Variants in INTS2 observed in about 807,000 individuals in gnomAD.
The protein encoded by INTS2 is KIAA1287.
INTS2 carries 57 observed loss-of-function variants against 139.6 expected under a neutral mutation model. The ratio of observed to expected loss-of-function variants is 0.41; its 90% CI spans 0.33 to 0.51. The LOEUF (loss-of-function observed/expected upper bound fraction) is 0.51. INTS2 is among the 20% of genes least tolerant of loss of function. The pLI, the probability that INTS2 is intolerant of heterozygous loss-of-function variation, is 0.28. For missense variants in INTS2, 1,196 were observed against 1,436.7 expected (o/e 0.83, Z 2.71); for synonymous variants, 473 against 493.4 (o/e 0.96, Z 0.55).
At chr17:61,913,830 T>C (rs1408072969) in intron 5 of INTS2, among the ~76,000 whole-genome samples, 1 of 152,142 alleles carries the variant, frequency 6.6e-6, no homozygotes, top group East Asian at 1.9e-4. Context: ...ATGGTAAATG[T>C]GTGGATAAAT....
rs777541709 is a variant in INTS2 at position 61,921,839 on chromosome 17, A to T, written c.433-12T>A. 3 of 1,339,088 alleles carry T rather than the reference A, an allele frequency of 2.2e-6. No homozygotes were observed. In the South Asian group the frequency reaches 3.9e-5, roughly 17 times the overall value. 83.0% of individuals were successfully genotyped at this position (1,339,088 alleles called of 1,614,324 possible). ...TTGGACTCAGACACCTTAAAAAAGA[A>T]AAAAAAAAGATATAAACTCTATTAA... On this transcript the variant is annotated splice_polypyrimidine_tract_variant and intron_variant, in intron 3 of 24. Transcript: ENST00000251334.
chr17:61,915,537 G>A (rs1371417782), intron 5 of INTS2, among the ~76,000 whole-genome samples: 1 of 141,244 alleles, frequency 7.1e-6, no homozygotes, highest in East Asian at 2.2e-4. Context: ...AAAAAAAAAA[G>A]TCCGGGCGCG....
intron 9 of INTS2, among the ~76,000 whole-genome samples, chr17:61,901,754 C>T (rs746591108): frequency 4.6e-5 from 7 of 151,684 alleles, no homozygotes; most frequent in Non-Finnish European, 7.4e-5. Context: ...CCATGACCGG[C>T]TAATATTTTT....
At chr17:61,927,429 GCGTGGGTAAAAGT>G (rs1018498644) in intron 1 of INTS2, 2 of 163,508 alleles carry the variant, frequency 1.2e-5, no homozygotes, top group African/African-American at 2.4e-5. Flanking sequence ...ACTAGCAGCA[GCGTGGGTAAAAGT>G]CGTGGGTAAA....
In INTS2 at chr17:61,877,867, T is replaced by C. The variant is rs1372122580; in HGVS notation, c.2456+20A>G. 8 of 1,571,540 alleles carry C rather than the reference T, an allele frequency of 5.1e-6. No homozygotes were observed. The highest frequency in any genetic ancestry group is 6.1e-6 in the Non-Finnish European group (7 of 1,141,572). Reference sequence around the variant, plus strand: ...CTGCTATATAATTATCTATTACATGTAACAATACACTGAATTTACCTTCTA... The same window carrying C: ...CTGCTATATAATTATCTATTACATGCAACAATACACTGAATTTACCTTCTA... On this transcript the variant is annotated intron_variant, in intron 18 of 24. Transcript: ENST00000251334.
At chr17:61,874,153 G>C (rs1331662488) in intron 19 of INTS2, 1 of 152,120 alleles carries the variant, frequency 6.6e-6, no homozygotes, top group Non-Finnish European at 1.5e-5. Flanking sequence ...TGATCAATCA[G>C]TTGTAAATAC....
intron 8 of INTS2, among the ~76,000 whole-genome samples, chr17:61,904,810 G>GT (rs1352602134): frequency 1.3e-5 from 2 of 152,132 alleles, no homozygotes; most frequent in African/African-American, 4.8e-5. Flanking sequence ...GCCCTGTAGT[G>GT]TGAGACCATA....
rs28813378 is a variant in INTS2 at position 61,909,823 on chromosome 17, A to G, written c.954+1697T>C. On this transcript the variant is annotated intron_variant, in intron 7 of 24. Coordinates refer to ENST00000251334, the MANE Select transcript of INTS2 (RefSeq NM_001351695.2). This position sits in a 1 kb window ranked among gnomAD's most constrained non-coding sequence, Gnocchi z 4.9. ...TATACGTGTGTGTGTACATGTGTGT[A>G]TGTGTGTGTGTGTGTGTGTGTGTGT... Among the ~76,000 whole-genome samples the G allele has an allele frequency of 0.036, 4,946 of 138,884 alleles. 569 individuals carry two copies. The East Asian group carries it at 0.45, about 13-fold the overall frequency. The allele number at this position is 138,884 out of a possible 152,430, so 91.1% of individuals were successfully genotyped here.
chr17:61,867,480 G>T lies in INTS2; in HGVS notation c.*77C>A. 1 of 824,014 alleles carries T rather than the reference G, an allele frequency of 1.2e-6. No homozygotes were observed. Among genetic ancestry groups the T allele is most frequent in the Non-Finnish European group, 1.9e-6 (1 of 520,112 alleles). 51.0% of individuals were successfully genotyped at this position (824,014 alleles called of 1,614,324 possible). On this transcript the variant is annotated 3_prime_UTR_variant, in exon 25 of 25. Transcript: ENST00000251334. The surrounding 1 kb of genome is among the most constrained non-coding windows in gnomAD (Gnocchi z 5.6). Reference sequence around the variant, plus strand: ...GACAATACTTTACTGTTCCCATTCAGTTTAGAGTTGTTACTAATATGCAGA... The same window carrying T: ...GACAATACTTTACTGTTCCCATTCATTTTAGAGTTGTTACTAATATGCAGA...
Position 61,869,356 on chromosome 17 carries a change from G to A in INTS2, c.3055C>T (p.Leu1019=). 1 of 1,604,788 alleles carries A rather than the reference G, an allele frequency of 6.2e-7. No individual in the cohort carries two copies. The highest frequency in any genetic ancestry group is 8.5e-7 in the Non-Finnish European group (1 of 1,175,074). The change falls in exon 22 of 25, where the codon CTG becomes TTG. Residue 1019 remains leucine (L), a synonymous_variant. Transcript: ENST00000251334. This position sits in a 1 kb window ranked among gnomAD's most constrained non-coding sequence, Gnocchi z 5.4. The part of the protein sequence containing the change: ...FQGYPCELLP[L]TVAGIPSMHI... The stretch of plus-strand genomic sequence containing the variant: ...ATAGATGGAATACCTGCGACCGTCA[G>A]AGGCAAAAGTTCACATGGATAACCC...
chr17:61,915,700 G>A lies in INTS2; in HGVS notation c.650-3630C>T, dbSNP rs75626890. Among the ~76,000 whole-genome samples the A allele has an allele frequency of 1.9e-4, 28 of 147,162 alleles. No individual in the cohort carries two copies. The East Asian group carries it at 4.9e-3, about 26-fold the overall frequency. On this transcript the variant is annotated intron_variant, in intron 5 of 24. Coordinates refer to ENST00000251334, the MANE Select transcript of INTS2 (RefSeq NM_001351695.2). ...CAAAAAATTAGCCGGGCGTGGTGGC[G>A]GGTGCCTGTAGTCCCAGCTACTCGG...
At chr17:61,919,713 G>A (rs1282919260) in intron 4 of INTS2, among the ~76,000 whole-genome samples, 200 bp from the exon 5 acceptor site, 2 of 151,988 alleles carry the variant, frequency 1.3e-5, no homozygotes, top group Non-Finnish European at 2.9e-5. Context: ...CCTGGACCCA[G>A]TGTTAAAGAG....
chr17:61,886,710 TC>T (rs2079232376), intron 15 of INTS2, among the ~76,000 whole-genome samples: 1 of 152,228 alleles, frequency 6.6e-6, no homozygotes, highest in South Asian at 2.1e-4. Flanking sequence ...CAAGGTACTT[TC>T]CTTTACACCA....
At position 61,875,306 on chromosome 17, in the gene INTS2, T is replaced by C. The variant is rs2079118453; in HGVS notation, c.2457-268A>G. ...ATGGCATATAAAATTAAAACCTGAG[T>C]TAAAACCTTAGTTATACCATACTTG... On this transcript the variant is annotated intron_variant, in intron 18 of 24. Coordinates refer to ENST00000251334, the MANE Select transcript of INTS2 (RefSeq NM_001351695.2). The surrounding 1 kb of genome is among the most constrained non-coding windows in gnomAD (Gnocchi z 4.6). 6.6e-6 allele frequency among the ~76,000 whole-genome samples: 1 copy of C among 152,184 alleles called. No homozygotes were observed. Among genetic ancestry groups the C allele is most frequent in the Non-Finnish European group, 1.5e-5 (1 of 68,028 alleles).
chr17:61,884,873 T>C, intron 16 of INTS2, 28 bp downstream of exon 16: 1 of 1,331,018 alleles, frequency 7.5e-7, no homozygotes. Flanking sequence ...CAATAAACTT[T>C]AGCAGTAAAA....
intron 5 of INTS2, among the ~76,000 whole-genome samples, chr17:61,918,430 C>T (rs552885084): frequency 5.9e-5 from 9 of 152,106 alleles, no homozygotes; most frequent in Admixed American, 2.6e-4. Flanking sequence ...TTAGTAGAGA[C>T]GGGGTTTCAC....
At position 61,897,603 on chromosome 17, in the gene INTS2, A is replaced by T. The variant is rs974118734; in HGVS notation, c.1380-20T>A. On this transcript the variant is annotated intron_variant, in intron 10 of 24. Transcript: ENST00000251334. This position sits in a 1 kb window ranked among gnomAD's most constrained non-coding sequence, Gnocchi z 4.4. The stretch of plus-strand genomic sequence containing the variant: ...GAAGTACTGTCAAAACAAAATAGGA[A>T]ATATGAATTTTCCAAAGAGAGAAGA... 95 of 1,586,578 alleles carry T rather than the reference A, an allele frequency of 6.0e-5. No individual in the cohort carries two copies. Among genetic ancestry groups the T allele is most frequent in the Non-Finnish European group, 7.6e-5 (88 of 1,163,538 alleles).
Position 61,866,900 on chromosome 17 carries a change from T to C in INTS2, c.*657A>G, listed in dbSNP as rs2079050402. ...ATCTCTTTAAACATATGGCTTCATA[T>C]ATTAATAAAAATTGAAGCAAATATG... On this transcript the variant is annotated 3_prime_UTR_variant, in exon 25 of 25. Coordinates refer to ENST00000251334, the MANE Select transcript of INTS2 (RefSeq NM_001351695.2). The C allele has an allele frequency of 6.6e-6, 1 of 152,236 alleles. No individual in the cohort carries two copies. Among genetic ancestry groups the C allele is most frequent in the Non-Finnish European group, 1.5e-5 (1 of 68,036 alleles). 9.4% of individuals were successfully genotyped at this position (152,236 alleles called of 1,614,324 possible). A position where few individuals can be genotyped will look rare whatever the true frequency, so the allele number is the denominator to read the frequency against.
Position 61,869,815 on chromosome 17 carries a change from T to C in INTS2, c.2952A>G (p.Glu984=). The C allele has an allele frequency of 6.2e-7, 1 of 1,613,894 alleles. No homozygotes were observed. Among genetic ancestry groups the C allele is most frequent in the Non-Finnish European group, 8.5e-7 (1 of 1,179,790 alleles). The change falls in exon 21 of 25, where the codon GAA becomes GAG. Residue 984 remains glutamate, a synonymous_variant. Transcript: ENST00000251334. The surrounding 1 kb of genome is among the most constrained non-coding windows in gnomAD (Gnocchi z 5.4). ...GEDNLLCNLR[E]VQCLICCLLH... ...AGAGACAACAGATAAGGCACTGAAC[T>C]TCTCGAAGGTTACAGAGCAAATTGT...
Sources: allele counts gnomAD v4.1 joint callset (sites outside exome capture counted in the v4.1 genomes callset), GRCh38; gene constraint gnomAD v4.1.1; non-coding constraint Gnocchi (gnomAD v3.1); transcripts MANE v1.5; gene names NCBI Gene and HGNC (gene_info 2026-07-23, HGNC 2026-07-21).